The following VPS13A variants were observed in gnomAD, a reference collection of about 807,000 sequenced individuals.
VPS13A encodes intermembrane lipid transfer protein VPS13A.
Under a neutral mutation model 390.9 loss-of-function variants are expected in VPS13A, and 264 were observed. That is an observed-to-expected ratio of 0.68 (90% confidence interval 0.61 to 0.75). The LOEUF is 0.75. Among genes scored for constraint, VPS13A ranks in the 30% least tolerant of loss-of-function variants. The pLI is 0.00. For missense variants in VPS13A, 3,409 were observed against 3,733.9 expected (o/e 0.91, Z 2.27); for synonymous variants, 1,231 against 1,227.1 (o/e 1.00, Z -0.07).
chr9:77,324,245 TTTC>T (rs1486488937), intron 45 of VPS13A, among the ~76,000 whole-genome samples: 16 of 152,284 alleles, frequency 1.1e-4, no homozygotes, highest in East Asian at 7.7e-4. Context: ...ATTTTTACTT[TTTC>T]TTTTTCAATC....
chr9:77,340,751 C>A lies in VPS13A; in HGVS notation c.7026+201C>A, dbSNP rs1345547719. ...TTTAATAATTAGGTAACTAGGAATG[C>A]CCAGCTTGTTAAGGGAGGTAGACGT... On this transcript the variant is annotated intron_variant, in intron 50 of 71. Transcript: ENST00000360280. The A allele has an allele frequency of 2.2e-5, 13 of 588,256 alleles. No individual in the cohort carries two copies. The Admixed American group carries it at 3.1e-4, about 14-fold the overall frequency. The allele number at this position is 588,256 out of a possible 1,614,324, so 36.4% of individuals were successfully genotyped here. A position where few individuals can be genotyped will look rare whatever the true frequency, so the allele number is the denominator to read the frequency against.
chr9:77,283,492 G>A, intron 30 of VPS13A, 21 bp downstream of exon 30: 1 of 1,605,590 alleles, frequency 6.2e-7, no homozygotes, highest in Non-Finnish European at 8.5e-7. Flanking sequence ...TTCACAAAAA[G>A]CAAATTAAAA....
At chr9:77,192,109 G>C (rs1430891960) in intron 1 of VPS13A, among the ~76,000 whole-genome samples, 1 of 152,056 alleles carries the variant, frequency 6.6e-6, no homozygotes, top group Non-Finnish European at 1.5e-5. Context: ...GCCCTTCTTT[G>C]TCCTTTTTGA....
chr9:77,279,989 T>G (rs1490740269), intron 26 of VPS13A, 170 bp from the exon 27 acceptor site: 2 of 507,166 alleles, frequency 3.9e-6, no homozygotes, highest in East Asian at 7.3e-5. Context: ...AAATTAAATT[T>G]TTAGAGTTTA....
intron 27 of VPS13A, among the ~76,000 whole-genome samples, chr9:77,280,905 T>C (rs1315793760): frequency 6.6e-6 from 1 of 152,076 alleles, no homozygotes; most frequent in Non-Finnish European, 1.5e-5. Context: ...AGAAAATGGA[T>C]AAAGAAAATG....
intron 10 of VPS13A, among the ~76,000 whole-genome samples, chr9:77,214,752 C>T (rs185060789): frequency 1.2e-4 from 19 of 152,106 alleles, no homozygotes; most frequent in African/African-American, 2.2e-4. Flanking sequence ...AGTAAGATCA[C>T]GCTGCATTTA....
rs1229551282 is a variant in VPS13A at position 77,321,784 on chromosome 9, G to T, written c.5830+38G>T. On this transcript the variant is annotated intron_variant, in intron 44 of 71. Transcript: ENST00000360280. ...AAAATTACCTTCCTGGGGCTATTTTGTTTTAAATTACAATTTACATGTTAT... is the reference window on the plus strand; with the variant it reads ...AAAATTACCTTCCTGGGGCTATTTTTTTTTAAATTACAATTTACATGTTAT... The T allele has an allele frequency of 3.1e-6, 5 of 1,607,002 alleles. No individual in the cohort carries two copies. The African/African-American group carries it at 6.7e-5, about 22-fold the overall frequency.
At position 77,293,513 on chromosome 9, in the gene VPS13A, G is replaced by A. The variant is rs758424504; in HGVS notation, c.3507+5G>A. 7.0e-7 allele frequency: 1 copy of A among 1,420,666 alleles called. No individual in the cohort carries two copies. The highest frequency in any genetic ancestry group is 1.6e-5 in the South Asian group (1 of 62,114). 88.0% of individuals were successfully genotyped at this position (1,420,666 alleles called of 1,614,324 possible). A position where few individuals can be genotyped will look rare whatever the true frequency, so the allele number is the denominator to read the frequency against. ...AAATTTCTATATTCTATATTGGTAA[G>A]TATTTTATTAAATTATTATTTATTT... On this transcript the variant is annotated splice_donor_5th_base_variant and intron_variant, in intron 32 of 71. Transcript: ENST00000360280.
At chr9:77,230,355 T>C (rs895004448) in intron 17 of VPS13A, among the ~76,000 whole-genome samples, 1 of 152,116 alleles carries the variant, frequency 6.6e-6, no homozygotes, top group African/African-American at 2.4e-5. Flanking sequence ...AATTTTATGC[T>C]ATTTCCTCTT....
At chr9:77,201,271 C>A in intron 2 of VPS13A, 94 bp from the exon 3 acceptor site, 2 of 830,262 alleles carry the variant, frequency 2.4e-6, no homozygotes, top group South Asian at 1.6e-5. Context: ...TTAAAAAATC[C>A]CTTGAAATAA....
chr9:77,399,173 A>AAAAAAAAAT (rs1563990752), intron 68 of VPS13A, among the ~76,000 whole-genome samples: 4 of 86,288 alleles, frequency 4.6e-5, no homozygotes, highest in Admixed American at 2.2e-4. Flanking sequence ...ATAATAAAAA[A>AAAAAAAAAT]AAAAAAATAA....
intron 71 of VPS13A, among the ~76,000 whole-genome samples, chr9:77,411,460 G>A (rs796784294): frequency 1.3e-4 from 19 of 151,624 alleles, no homozygotes; most frequent in African/African-American, 4.6e-4. Flanking sequence ...TCAGGAGATC[G>A]ACACCATCCT....
chr9:77,375,858 A>G (rs73449999), intron 67 of VPS13A, among the ~76,000 whole-genome samples: 1,927 of 152,312 alleles, frequency 0.013, 45 homozygotes, highest in African/African-American at 0.044. Context: ...AATGAACACA[A>G]TTGGCAATGG....
At chr9:77,377,991 T>C (rs1196094024) in intron 67 of VPS13A, among the ~76,000 whole-genome samples, 1 of 152,248 alleles carries the variant, frequency 6.6e-6, no homozygotes, top group Non-Finnish European at 1.5e-5. Flanking sequence ...TAAACTAATA[T>C]TGCATACCTG....
chr9:77,219,322 A>G (rs1409474481), intron 10 of VPS13A, among the ~76,000 whole-genome samples: 2 of 152,230 alleles, frequency 1.3e-5, no homozygotes, highest in African/African-American at 4.8e-5. Flanking sequence ...TCATCTTTAT[A>G]TACAGATTAG....
chr9:77,327,913 CA>C (rs934685243), intron 45 of VPS13A, among the ~76,000 whole-genome samples: 9 of 152,210 alleles, frequency 5.9e-5, no homozygotes, highest in African/African-American at 2.2e-4. Context: ...TCATGTATCA[CA>C]AATGTTATTA....
chr9:77,279,988 T>TAAAAC (rs1826920729), intron 26 of VPS13A, 171 bp from the exon 27 acceptor site: 2 of 504,172 alleles, frequency 4.0e-6, no homozygotes, highest in Non-Finnish European at 7.1e-6. Flanking sequence ...GAAATTAAAT[T>TAAAAC]TTTAGAGTTT....
chr9:77,277,234 T>G (rs1055518107), intron 26 of VPS13A, among the ~76,000 whole-genome samples: 2 of 152,222 alleles, frequency 1.3e-5, no homozygotes, highest in African/African-American at 4.8e-5. Flanking sequence ...AATAATATTA[T>G]GTATGAGCAG....
rs752430464 is a variant in VPS13A at position 77,293,383 on chromosome 9, G to T, written c.3382G>T (p.Val1128Phe). 11 of 1,613,140 alleles carry T rather than the reference G, an allele frequency of 6.8e-6. No homozygotes were observed. The Admixed American group carries it at 1.5e-4, about 22-fold the overall frequency. The change falls in exon 32 of 72, where the codon GTT becomes TTT. Residue 1128 changes from valine (V) to phenylalanine (F), a missense_variant. Val to Phe is a conservative substitution (Grantham distance 50). Around this residue, in one of 5 missense-constraint regions of VPS13A, gnomAD observed 2,717 missense variants for 2,917.4 expected, o/e 0.93. Transcript: ENST00000360280. The part of the protein sequence containing the change: ...TGKEVFSFKM[V>F]SYMDATAGSA... ...AAAAGAAGTTTTCAGCTTCAAAATG[G>T]TTTCTTACATGGATGCAACTGCTGG...
Sources: gnomAD v4.1 joint callset for allele counts (sites outside exome capture counted in the v4.1 genomes callset) on GRCh38, gnomAD v4.1.1 for gene constraint, gnomAD v4.1.1 regional missense constraint, MANE v1.5 for transcripts, NCBI Gene and HGNC (gene_info 2026-07-23, HGNC 2026-07-21) for gene names.